STARD4: variants seen among roughly 807,000 people sequenced by gnomAD.
STARD4 encodes stAR-related lipid transfer protein 4.
A neutral mutation model predicts 24.9 loss-of-function variants in STARD4; 33 were observed. The ratio of observed to expected loss-of-function variants is 1.32; its 90% CI spans 1.00 to 1.77. The LOEUF (loss-of-function observed/expected upper bound fraction) is 1.77, where lower values mean the gene tolerates loss of function less well. Among genes scored for constraint, STARD4 ranks in the 40% most tolerant of loss-of-function variants. STARD4 has a pLI of 0.00. For missense variants in STARD4, 238 were observed against 249.3 expected, an observed-to-expected ratio of 0.95 and a Z score of 0.31; for synonymous variants, 88 against 77.4, an observed-to-expected ratio of 1.14 and a Z score of -0.72.
chr5:111,503,989 A>G (rs1361793621), intron 3 of STARD4, among the ~76,000 whole-genome samples: 1 of 152,226 alleles, frequency 6.6e-6, no homozygotes, highest in Non-Finnish European at 1.5e-5. Context: ...AATATACAAA[A>G]GATTTCAACT....
At chr5:111,502,737 G>A (rs1355441755) in intron 3 of STARD4, among the ~76,000 whole-genome samples, 3 of 151,626 alleles carry the variant, frequency 2.0e-5, no homozygotes, top group East Asian at 3.9e-4. Flanking sequence ...AGGTTGAGGT[G>A]AGCCGAGATC....
At chr5:111,500,606 G>C in intron 5 of STARD4, 1 of 1,113,320 alleles carries the variant, frequency 9.0e-7, no homozygotes, top group South Asian at 3.6e-5. Flanking sequence ...TTTTAATCTT[G>C]AAAAGAAAAA....
Position 111,500,003 on chromosome 5 carries a change from A to G in STARD4, c.501T>C (p.Ser167=), listed in dbSNP as rs1293479718. The change falls in exon 6 of 6, where the codon AGT becomes AGC. Residue 167 remains serine, a synonymous_variant. Transcript: ENST00000296632. ...CVPLKDNPNQ[S]LLTGYIQTDL... The stretch of plus-strand genomic sequence containing the variant: ...CTGTCTGAATATATCCTGTCAAAAG[A>G]CTCTGGTTTGGGTTGTCTTTAAGTG... 2 of 1,614,044 alleles carry G rather than the reference A, an allele frequency of 1.2e-6. No homozygotes were observed. The highest frequency in any genetic ancestry group is 1.7e-6 in the Non-Finnish European group (2 of 1,180,004).
At chr5:111,511,692 T>G (rs970103778) in intron 1 of STARD4, among the ~76,000 whole-genome samples, 2 of 152,208 alleles carry the variant, frequency 1.3e-5, no homozygotes, top group African/African-American at 4.8e-5. Flanking sequence ...AGCTCTCTCT[T>G]GTAAAACTGT....
chr5:111,507,524 A>G lies in STARD4; in HGVS notation c.-9-82T>C. ...AGTGGGTCTCGAATCTGGTTTCACA[A>G]TATAATAACCTACCAGAGCTATAAA... On this transcript the variant is annotated intron_variant, in intron 1 of 5. Transcript: ENST00000296632. The surrounding 1 kb of genome is among the most constrained non-coding windows in gnomAD (Gnocchi z 4.4). The G allele has an allele frequency of 1.0e-6, 1 of 976,656 alleles. No homozygotes were observed. The highest frequency in any genetic ancestry group is 1.5e-6 in the Non-Finnish European group (1 of 647,452). The allele number at this position is 976,656 out of a possible 1,614,324, so 60.5% of individuals were successfully genotyped here. A position where few individuals can be genotyped will look rare whatever the true frequency, so the allele number is the denominator to read the frequency against.
At chr5:111,505,527 A>C (rs1756789120) in intron 3 of STARD4, among the ~76,000 whole-genome samples, 1 of 152,222 alleles carries the variant, frequency 6.6e-6, no homozygotes, top group African/African-American at 2.4e-5. Flanking sequence ...TTATGTTATT[A>C]AATAATCTTC....
At position 111,498,488 on chromosome 5, in the gene STARD4, C is replaced by T. The variant is rs983536229; in HGVS notation, c.*1398G>A. ...GTAGAATATGAGACTTCCTACTCTA[C>T]GCTAATAAAAACAAATAAAAAATAG... On this transcript the variant is annotated 3_prime_UTR_variant, in exon 6 of 6. Coordinates refer to ENST00000296632, the MANE Select transcript of STARD4 (RefSeq NM_139164.3). 6 of 151,432 alleles carry T rather than the reference C, an allele frequency of 4.0e-5. No individual in the cohort carries two copies. The highest frequency in any genetic ancestry group is 2.1e-4 in the South Asian group (1 of 4,780). 9.4% of individuals were successfully genotyped at this position (151,432 alleles called of 1,614,324 possible).
chr5:111,508,848 C>T (rs1042775834), intron 1 of STARD4, among the ~76,000 whole-genome samples: 2 of 151,958 alleles, frequency 1.3e-5, no homozygotes, highest in African/African-American at 2.4e-5. Flanking sequence ...ATTAAAGTGA[C>T]AGAAATAAAT....
rs544539415 is a variant in STARD4 at position 111,507,551 on chromosome 5, G to A, written c.-9-109C>T. ...ATAATAACCTACCAGAGCTATAAAA[G>A]ATAGCTACCCTCACCCCAAATCAAC... On this transcript the variant is annotated intron_variant, in intron 1 of 5. Transcript: ENST00000296632. This position sits in a 1 kb window ranked among gnomAD's most constrained non-coding sequence, Gnocchi z 4.4. 8 of 713,460 alleles carry A rather than the reference G, an allele frequency of 1.1e-5. No individual in the cohort carries two copies. The highest frequency in any genetic ancestry group is 9.1e-5 in the African/African-American group (5 of 55,020). 44.2% of individuals were successfully genotyped at this position (713,460 alleles called of 1,614,324 possible).
rs1756863875 is a variant in STARD4 at position 111,506,371 on chromosome 5, T to TA, written c.113dup (p.Thr39AsnfsTer11). 1 of 1,476,604 alleles carries TA rather than the reference T, an allele frequency of 6.8e-7. No homozygotes were observed. Among genetic ancestry groups the TA allele is most frequent in the South Asian group, 1.2e-5 (1 of 82,504 alleles). The allele number at this position is 1,476,604 out of a possible 1,614,324, so 91.5% of individuals were successfully genotyped here. A position where few individuals can be genotyped will look rare whatever the true frequency, so the allele number is the denominator to read the frequency against. On this transcript the variant is annotated frameshift_variant, in exon 3 of 6. Coordinates refer to ENST00000296632, the MANE Select transcript of STARD4 (RefSeq NM_139164.3). LOFTEE classifies it high-confidence loss of function. ...CTTCTGAGGGTTTTCTCCAAACAGT[T>TA]ACATCTTTCTAGAAAAATAAAAACA...
intron 1 of STARD4, among the ~76,000 whole-genome samples, chr5:111,510,466 C>CTTATCT (rs919317533): frequency 1.3e-5 from 2 of 152,156 alleles, no homozygotes; most frequent in African/African-American, 4.8e-5. Context: ...CTTTTATTCC[C>CTTATCT]TTATCTTGAC....
At chr5:111,508,904 G>A (rs1223047065) in intron 1 of STARD4, among the ~76,000 whole-genome samples, 1 of 152,060 alleles carries the variant, frequency 6.6e-6, no homozygotes, top group Non-Finnish European at 1.5e-5. Flanking sequence ...GAGCATATAA[G>A]CCATTAAAAT....
Position 111,498,674 on chromosome 5 carries a change from T to C in STARD4, c.*1212A>G, listed in dbSNP as rs1331705777. 6.6e-6 allele frequency: 1 copy of C among 152,152 alleles called. No homozygotes were observed. The highest frequency in any genetic ancestry group is 2.4e-5 in the African/African-American group (1 of 41,452). The allele number at this position is 152,152 out of a possible 1,614,324, so 9.4% of individuals were successfully genotyped here. ...CTGGTAATTAATAAATCATTAAGAA[T>C]ATAGAATCCTTTGTGCATTCCTTCT... On this transcript the variant is annotated 3_prime_UTR_variant, in exon 6 of 6. Coordinates refer to ENST00000296632, the MANE Select transcript of STARD4 (RefSeq NM_139164.3).
intron 4 of STARD4, among the ~76,000 whole-genome samples, 187 bp downstream of exon 4, chr5:111,501,775 A>T (rs1037318699): frequency 3.0e-4 from 45 of 152,240 alleles, no homozygotes; most frequent in African/African-American, 1.1e-3. Flanking sequence ...CTCATTAATT[A>T]GTATGAGGAA....
At chr5:111,503,099 T>A (rs1444728162) in intron 3 of STARD4, among the ~76,000 whole-genome samples, 27 of 152,150 alleles carry the variant, frequency 1.8e-4, no homozygotes, top group Admixed American at 1.8e-3. Flanking sequence ...TTTTTAAAAC[T>A]TTTTATTAGG....
At position 111,498,807 on chromosome 5, in the gene STARD4, TA is replaced by T. The variant is rs1756242454; in HGVS notation, c.*1078del. The stretch of plus-strand genomic sequence containing the variant: ...ATCATCACCAGTGGCAAAAAATAAA[TA>T]AAAACAAAAGCAAAAAACAGCTCCA... On this transcript the variant is annotated 3_prime_UTR_variant, in exon 6 of 6. Coordinates refer to ENST00000296632, the MANE Select transcript of STARD4 (RefSeq NM_139164.3). 1 of 152,052 alleles carries T rather than the reference TA, an allele frequency of 6.6e-6. No homozygotes were observed. The highest frequency in any genetic ancestry group is 1.5e-5 in the Non-Finnish European group (1 of 67,970). The allele number at this position is 152,052 out of a possible 1,614,324, so 9.4% of individuals were successfully genotyped here.
intron 3 of STARD4, chr5:111,505,046 GA>G (rs60507297): frequency 5.1e-3 from 1,994 of 387,316 alleles, no homozygotes; most frequent in South Asian, 7.0e-3. Context: ...TTAAGACTCT[GA>G]AAAAAAAAAA....
At position 111,497,983 on chromosome 5, in the gene STARD4, T is replaced by C. The variant is rs1202463504; in HGVS notation, c.*1903A>G. On this transcript the variant is annotated 3_prime_UTR_variant, in exon 6 of 6. Transcript: ENST00000296632. ...TTTGGAATGATGGAAACGTTCTAAATCCAGATTGTGCTGATGGCTGCATAG... is the reference window on the plus strand; with the variant it reads ...TTTGGAATGATGGAAACGTTCTAAACCCAGATTGTGCTGATGGCTGCATAG... 6.6e-6 allele frequency: 1 copy of C among 152,066 alleles called. No individual in the cohort carries two copies. The highest frequency in any genetic ancestry group is 1.5e-5 in the Non-Finnish European group (1 of 67,944). The allele number at this position is 152,066 out of a possible 1,614,324, so 9.4% of individuals were successfully genotyped here.
rs968936275 is a variant in STARD4, at chr5:111,499,717, C to G, written c.*169G>C. The G allele has an allele frequency of 9.4e-6, 6 of 637,762 alleles. 1 individual carries two copies. In the South Asian group the frequency reaches 1.0e-4, roughly 11 times the overall value. The allele number at this position is 637,762 out of a possible 1,614,324, so 39.5% of individuals were successfully genotyped here. A position where few individuals can be genotyped will look rare whatever the true frequency, so the allele number is the denominator to read the frequency against. The stretch of plus-strand genomic sequence containing the variant: ...AAAAAAAAAAGTGAAAATGCCCTCT[C>G]TTAGATAGCTATTTACTTTAGGAAT... On this transcript the variant is annotated 3_prime_UTR_variant, in exon 6 of 6. Coordinates refer to ENST00000296632, the MANE Select transcript of STARD4 (RefSeq NM_139164.3).
Sources: allele counts gnomAD v4.1 joint callset (sites outside exome capture counted in the v4.1 genomes callset), GRCh38; gene constraint gnomAD v4.1.1; non-coding constraint Gnocchi (gnomAD v3.1); transcripts MANE v1.5; gene names NCBI Gene and HGNC (gene_info 2026-07-23, HGNC 2026-07-21).